The following CCDC180 variants were observed in gnomAD, a reference collection of about 807,000 sequenced individuals.
CCDC180 encodes the protein coiled-coil domain containing 180.
A neutral mutation model predicts 209.2 loss-of-function variants in CCDC180; 154 were observed. The observed-to-expected ratio is 0.74, with a 90% CI of 0.65 to 0.84. The LOEUF is 0.84. Among genes scored for constraint, CCDC180 ranks in the 40% least tolerant of loss-of-function variants. The pLI is 0.00. For synonymous variants in CCDC180, 778 were observed against 749.1 expected, an observed-to-expected ratio of 1.04 and a Z score of -0.63; for missense variants, 1,874 against 1,997.3, an observed-to-expected ratio of 0.94 and a Z score of 1.18.
At chr9:97,362,525 C>T in intron 28 of CCDC180, 84 bp downstream of exon 28, 4 of 1,541,864 alleles carry the variant, frequency 2.6e-6, no homozygotes, top group Non-Finnish European at 3.5e-6. Flanking sequence ...CTTTCCCAGG[C>T]TTTTCCTCAG....
intron 18 of CCDC180, among the ~76,000 whole-genome samples, chr9:97,339,686 T>C (rs1826019856): frequency 6.6e-6 from 1 of 152,192 alleles, no homozygotes; most frequent in Non-Finnish European, 1.5e-5. Context: ...CTGTATTTCC[T>C]GAATTTGAAT....
At position 97,355,015 on chromosome 9, in the gene CCDC180, T is replaced by G. The variant is rs996075245; in HGVS notation, c.3264+7T>G. 6.4e-7 allele frequency: 1 copy of G among 1,567,494 alleles called. No individual in the cohort carries two copies. The highest frequency in any genetic ancestry group is 8.8e-7 in the Non-Finnish European group (1 of 1,137,818). ...AGTGAAAATCAAGTGCCAGGTAGGA[T>G]AGATTCATTCTTCATCAAGGATCTT... On this transcript the variant is annotated splice_region_variant and intron_variant, in intron 24 of 36. Coordinates refer to ENST00000529487, the MANE Select transcript of CCDC180 (RefSeq NM_020893.6).
intron 16 of CCDC180, 91 bp downstream of exon 16, chr9:97,328,237 C>T (rs1833601206): frequency 7.0e-7 from 1 of 1,422,758 alleles, no homozygotes; most frequent in African/African-American, 1.4e-5. Context: ...ACTTTGAAAG[C>T]CATTCCTAAT....
intron 28 of CCDC180, chr9:97,363,613 C>T (rs772011218): frequency 1.9e-6 from 1 of 534,134 alleles, no homozygotes; most frequent in Admixed American, 1.9e-5. Flanking sequence ...TAAGTATGTC[C>T]CAAATACTGC....
chr9:97,375,677 C>A, intron 36 of CCDC180, 88 bp downstream of exon 36: 1 of 1,542,150 alleles, frequency 6.5e-7, no homozygotes, highest in East Asian at 2.3e-5. Flanking sequence ...ACCCGGCACC[C>A]AACATTTGGC....
In CCDC180 at chr9:97,366,642, C is replaced by T. The variant is rs773678344; in HGVS notation, c.4131C>T (p.Ser1377=). The change falls in exon 31 of 37, where the codon AGC becomes AGT. Residue 1377 remains serine, a synonymous_variant. Transcript: ENST00000529487. This position sits in a 1 kb window ranked among gnomAD's most constrained non-coding sequence, Gnocchi z 4.3. ...TTGACCAGTGCGCCGAGAACATTAG[C>T]AAAAAGATCCTGGAGTATCAGAGCC... is the stretch of plus-strand genomic sequence containing the variant. ...DTFDQCAENI[S]KKILEYQSQA... is the part of the protein sequence containing the mutation. 4 of 1,614,172 alleles carry T rather than the reference C, an allele frequency of 2.5e-6. No homozygotes were observed. The South Asian group carries it at 4.4e-5, about 18-fold the overall frequency.
At position 97,366,796 on chromosome 9, in the gene CCDC180, T is replaced by G; in HGVS notation, c.4189+96T>G. The G allele has an allele frequency of 7.6e-7, 1 of 1,308,534 alleles. No homozygotes were observed. Among genetic ancestry groups the G allele is most frequent in the Non-Finnish European group, 1.0e-6 (1 of 966,398 alleles). The allele number at this position is 1,308,534 out of a possible 1,614,324, so 81.1% of individuals were successfully genotyped here. Reference sequence around the variant, plus strand: ...GCCTTGTGGCCTGGATCCTCCCCTCTGGGGGAGGCAGAAGAGCTTCCCTGT... The same window carrying G: ...GCCTTGTGGCCTGGATCCTCCCCTCGGGGGGAGGCAGAAGAGCTTCCCTGT... On this transcript the variant is annotated intron_variant, in intron 31 of 36. Coordinates refer to ENST00000529487, the MANE Select transcript of CCDC180 (RefSeq NM_020893.6). This position sits in a 1 kb window ranked among gnomAD's most constrained non-coding sequence, Gnocchi z 4.3.
chr9:97,370,948 TA>T, intron 33 of CCDC180, 170 bp downstream of exon 33: 1 of 323,022 alleles, frequency 3.1e-6, no homozygotes, highest in South Asian at 6.2e-5. Context: ...TTAACTTGTA[TA>T]CTTTTTTTTT....
In CCDC180 at chr9:97,376,815, C is replaced by T. The variant is rs145185285; in HGVS notation, c.4895C>T (p.Thr1632Ile). 4.3e-6 allele frequency: 7 copies of T among 1,613,424 alleles called. No individual in the cohort carries two copies. The highest frequency in any genetic ancestry group is 1.7e-5 in the Admixed American group (1 of 59,990). ...CTAAAGAGGATCCAGGATGACTGTA[C>T]ATCTCAGATAAAGGAGGCTCAGCGC... Reference protein sequence around the residue: ...EELKRIQDDCTSQIKEAQRWK... With the variant: ...EELKRIQDDCISQIKEAQRWK... Residue 1632 changes from threonine (T) to isoleucine (I), a missense_variant, in exon 37 of 37, where the codon ACA (threonine) becomes ATA (isoleucine). Transcript: ENST00000529487.
chr9:97,352,591 T>G (rs1335730592), intron 22 of CCDC180, among the ~76,000 whole-genome samples: 1 of 152,196 alleles, frequency 6.6e-6, no homozygotes, highest in Non-Finnish European at 1.5e-5. Flanking sequence ...AAGCAGCACA[T>G]TTTTGGTTTC....
Position 97,309,423 on chromosome 9 carries a change from G to T in CCDC180, c.79G>T (p.Val27Phe). ...QQIFQAEVQL[V>F]HSLAATRKRA... Reference sequence around the variant, plus strand: ...TCCTCCCTGGATTCAGGTGCAGCTGGTCCACTCCCTGGCGGCCACCAGGAA... The same window carrying T: ...TCCTCCCTGGATTCAGGTGCAGCTGTTCCACTCCCTGGCGGCCACCAGGAA... The change falls in exon 3 of 37, where the codon GTC (valine) becomes TTC (phenylalanine). Residue 27 changes from valine (V) to phenylalanine (F), a missense_variant. Transcript: ENST00000529487. The T allele has an allele frequency of 6.3e-7, 1 of 1,598,986 alleles. No homozygotes were observed. Among genetic ancestry groups the T allele is most frequent in the East Asian group, 2.3e-5 (1 of 43,332 alleles).
chr9:97,316,840 G>A (rs74526182), intron 8 of CCDC180, among the ~76,000 whole-genome samples: 1 of 152,308 alleles, frequency 6.6e-6, no homozygotes, highest in East Asian at 1.9e-4. Context: ...CAGGGTCTGT[G>A]GTTAAGCCTT....
In CCDC180 at chr9:97,364,168, G is replaced by C. The variant is rs746046776; in HGVS notation, c.3980+40G>C. On this transcript the variant is annotated intron_variant, in intron 29 of 36. Transcript: ENST00000529487. ...CTTTCCTTTTGACTGCATTTAACCT[G>C]TTTTGGGTTGCAGGGGCAGCAAATG... 2.5e-6 allele frequency: 4 copies of C among 1,596,436 alleles called. No homozygotes were observed. The South Asian group carries it at 3.4e-5, about 13-fold the overall frequency.
Position 97,343,629 on chromosome 9 carries a change from A to G in CCDC180, c.2498+66A>G, listed in dbSNP as rs1314287055. ...GTTTTGTAAACAAGGTGAAATATTAAAAAAAAAAAAAGGATTGGGCTGGTA... is the reference window on the plus strand; with the variant it reads ...GTTTTGTAAACAAGGTGAAATATTAGAAAAAAAAAAAGGATTGGGCTGGTA... On this transcript the variant is annotated intron_variant, in intron 19 of 36. Coordinates refer to ENST00000529487, the MANE Select transcript of CCDC180 (RefSeq NM_020893.6). The G allele has an allele frequency of 9.2e-6, 9 of 980,438 alleles. No individual in the cohort carries two copies. In the East Asian group the frequency reaches 2.1e-4, roughly 23 times the overall value. 60.7% of individuals were successfully genotyped at this position (980,438 alleles called of 1,614,324 possible).
rs1324622324 is a variant in CCDC180 at position 97,361,809 on chromosome 9, G to C, written c.3567G>C (p.Val1189=). The change falls in exon 27 of 37, where the codon GTG becomes GTC. Residue 1189 remains valine (V), a synonymous_variant. Transcript: ENST00000529487. ...TTGAAGAGGAGGCCAAGCTGGACGT[G>C]GTCACCCCTGAGTCCTTCACCCAGC... ...EALEEEAKLD[V]VTPESFTQLS... The C allele has an allele frequency of 6.2e-7, 1 of 1,614,174 alleles. No homozygotes were observed. Among genetic ancestry groups the C allele is most frequent in the East Asian group, 2.2e-5 (1 of 44,882 alleles).
rs1363780844 is a variant in CCDC180 at position 97,347,493 on chromosome 9, C to T, written c.2674+4C>T. ...GACATCCACAACGTCAGGGCAGGTA[C>T]AGATGCTGCCTGGGAATGTCTGCCC... On this transcript the variant is annotated splice_donor_region_variant and intron_variant, in intron 20 of 36. Transcript: ENST00000529487. The T allele has an allele frequency of 6.5e-7, 1 of 1,534,940 alleles. No homozygotes were observed. The highest frequency in any genetic ancestry group is 1.2e-5 in the South Asian group (1 of 83,948).
intron 3 of CCDC180, among the ~76,000 whole-genome samples, chr9:97,309,996 G>T (rs1832929827): frequency 6.6e-6 from 1 of 152,216 alleles, no homozygotes. Context: ...GCAGTATGGG[G>T]ACAAGGCTCT....
chr9:97,363,996 C>G, intron 28 of CCDC180, 55 bp from the exon 29 acceptor site: 1 of 1,555,928 alleles, frequency 6.4e-7, no homozygotes, highest in Non-Finnish European at 8.8e-7. Context: ...CAGGCTCAGA[C>G]CTGCCTTGCG....
chr9:97,340,654 G>A (rs552190218), intron 18 of CCDC180, among the ~76,000 whole-genome samples: 10 of 152,324 alleles, frequency 6.6e-5, no homozygotes, highest in South Asian at 6.2e-4. Context: ...CTTCTGTTAC[G>A]CGCAGACAGG....
Sources: allele counts gnomAD v4.1 joint callset (sites outside exome capture counted in the v4.1 genomes callset), GRCh38; gene constraint gnomAD v4.1.1; non-coding constraint Gnocchi (gnomAD v3.1); transcripts MANE v1.5; gene names NCBI Gene and HGNC (gene_info 2026-07-23, HGNC 2026-07-21).